Variants in SLC25A51 observed in about 807,000 individuals in gnomAD.
The protein encoded by SLC25A51 is mitochondrial nicotinamide adenine dinucleotide transporter SLC25A51.
SLC25A51 carries 11 observed loss-of-function variants against 19.1 expected under a neutral mutation model. That is an observed-to-expected ratio of 0.58 (90% confidence interval 0.36 to 0.96). The LOEUF (loss-of-function observed/expected upper bound fraction) is 0.96. Among genes scored for constraint, SLC25A51 ranks in the 40% least tolerant of loss-of-function variants. The pLI, the probability that SLC25A51 is intolerant of heterozygous loss-of-function variation, is 0.01. For synonymous variants in SLC25A51, 105 were observed against 133.6 expected (o/e 0.79, Z 1.47); for missense variants, 201 against 365.4 (o/e 0.55, Z 3.67).
At chr9:37,899,988 C>A (rs1462085546) in intron 1 of SLC25A51, 38 bp from the exon 2 acceptor site, 1 of 57,072 alleles carries the variant, frequency 1.8e-5, no homozygotes, top group Non-Finnish European at 3.1e-5. Flanking sequence ...TTTATATAGC[C>A]TTTTTTTTTT....
At chr9:37,883,131 C>T (rs1274957633), downstream of SLC25A51, among the ~76,000 whole-genome samples, 1 of 152,370 alleles carries the variant, frequency 6.6e-6, no homozygotes, top group South Asian at 2.1e-4. Context: ...AGGCGTGAGC[C>T]ACCGCACCCG....
At chr9:37,901,277 C>T (rs1831842871) in intron 1 of SLC25A51, among the ~76,000 whole-genome samples, 2 of 152,174 alleles carry the variant, frequency 1.3e-5, no homozygotes, top group African/African-American at 4.8e-5. Context: ...TCAAGCGATT[C>T]TCCTGCCTCA....
At chr9:37,887,399 G>A (rs193024356), downstream of SLC25A51, among the ~76,000 whole-genome samples, 1 of 151,810 alleles carries the variant, frequency 6.6e-6, no homozygotes, top group Admixed American at 6.6e-5. Context: ...TATCATTGAA[G>A]ACAATATTGA....
chr9:37,902,959 G>A (rs930934989), intron 1 of SLC25A51, among the ~76,000 whole-genome samples: 1 of 152,208 alleles, frequency 6.6e-6, no homozygotes, highest in Non-Finnish European at 1.5e-5. Flanking sequence ...TTCAGAACAA[G>A]ATCAGCCTGG....
At chr9:37,887,482 T>C (rs1267611596), downstream of SLC25A51, 48 of 703,304 alleles carry the variant, frequency 6.8e-5, no homozygotes, top group Non-Finnish European at 1.0e-4. Flanking sequence ...TGGTAGGACT[T>C]GGAGGAGAAA....
At chr9:37,892,256 T>C (rs1196973947) in intron 2 of SLC25A51, among the ~76,000 whole-genome samples, 1 of 152,190 alleles carries the variant, frequency 6.6e-6, no homozygotes, top group African/African-American at 2.4e-5. Flanking sequence ...CTGGAGAGAA[T>C]GACAGGCAGG....
At chr9:37,885,696 A>C, downstream of SLC25A51, 1 of 1,375,860 alleles carries the variant, frequency 7.3e-7, no homozygotes, top group Admixed American at 1.7e-5. Flanking sequence ...AGAAGCGGAG[A>C]TCCTGATGTT....
At chr9:37,900,384 G>C (rs1334599751) in intron 1 of SLC25A51, among the ~76,000 whole-genome samples, 1 of 151,762 alleles carries the variant, frequency 6.6e-6, no homozygotes, top group Non-Finnish European at 1.5e-5. Context: ...GGGAGGCAGA[G>C]GTTGCAGTAA....
intron 2 of SLC25A51, among the ~76,000 whole-genome samples, chr9:37,892,610 T>A (rs899778038): frequency 1.3e-5 from 2 of 152,052 alleles, no homozygotes; most frequent in Admixed American, 6.6e-5. Flanking sequence ...TGTCTCACTG[T>A]TGCCCAGGCT....
chr9:37,886,107 G>C (rs1831450302), downstream of SLC25A51: 9 of 1,474,260 alleles, frequency 6.1e-6, no homozygotes, highest in Non-Finnish European at 8.6e-6. Flanking sequence ...ACTGATGTTA[G>C]TACGCGGTAC....
At chr9:37,890,519 C>T (rs1452031052) in intron 2 of SLC25A51, among the ~76,000 whole-genome samples, 4 of 152,190 alleles carry the variant, frequency 2.6e-5, no homozygotes, top group African/African-American at 9.7e-5. Context: ...GCCTGGGCAA[C>T]ATAGTGAGAC....
chr9:37,894,280 C>T (rs539507310), intron 2 of SLC25A51, among the ~76,000 whole-genome samples: 1 of 151,150 alleles, frequency 6.6e-6, no homozygotes, highest in Non-Finnish European at 1.5e-5. Flanking sequence ...CAGAGAGTGT[C>T]TAGAGGAAAG....
At chr9:37,885,943 G>C, downstream of SLC25A51, 1 of 1,612,936 alleles carries the variant, frequency 6.2e-7, no homozygotes, top group Non-Finnish European at 8.5e-7. Context: ...CCATTGATGA[G>C]GAACTAGAAC....
chr9:37,884,313 G>A (rs1340263506), downstream of SLC25A51, among the ~76,000 whole-genome samples: 3 of 152,224 alleles, frequency 2.0e-5, no homozygotes, highest in Admixed American at 2.0e-4. Flanking sequence ...GTTAAGGGAT[G>A]AGAATGCTAT....
At chr9:37,903,879 G>A (rs1157928544) in intron 1 of SLC25A51, 189 bp downstream of exon 1, 4 of 152,312 alleles carry the variant, frequency 2.6e-5, no homozygotes, top group African/African-American at 7.2e-5. Flanking sequence ...AGGAGGCTCA[G>A]AACTGATTCC....
intron 2 of SLC25A51, among the ~76,000 whole-genome samples, chr9:37,889,448 C>T (rs962238005): frequency 1.3e-5 from 2 of 152,020 alleles, no homozygotes; most frequent in Non-Finnish European, 2.9e-5. Flanking sequence ...TGAACATGCA[C>T]CTTGGAAGGT....
downstream of SLC25A51, chr9:37,886,449 A>C (rs577456653): frequency 3.8e-5 from 57 of 1,499,762 alleles, no homozygotes; most frequent in Non-Finnish European, 4.9e-5. Context: ...CCATAACCAC[A>C]AGCCTGAGAC....
At chr9:37,890,583 C>T (rs957903342) in intron 2 of SLC25A51, among the ~76,000 whole-genome samples, 1 of 151,870 alleles carries the variant, frequency 6.6e-6, no homozygotes, top group African/African-American at 2.4e-5. Flanking sequence ...CGTACACCAG[C>T]TACTGGGAAG....
downstream of SLC25A51, chr9:37,885,981 A>G (rs1252899819): frequency 1.2e-6 from 2 of 1,613,606 alleles, no homozygotes; most frequent in Non-Finnish European, 8.5e-7. Flanking sequence ...TGGATTGTGG[A>G]GTTCTTTGCC....
Sources: gnomAD v4.1 joint callset for allele counts (sites outside exome capture counted in the v4.1 genomes callset) on GRCh38, gnomAD v4.1.1 for gene constraint, MANE v1.5 for transcripts, NCBI Gene and HGNC (gene_info 2026-07-23, HGNC 2026-07-21) for gene names.